Variants in PSD3 observed in about 807,000 individuals in gnomAD.
PSD3 encodes the protein pleckstrin and Sec7 domain containing 3, also known as PH and SEC7 domain-containing protein 3.
Under a neutral mutation model 105.5 loss-of-function variants are expected in PSD3, and 49 were observed. The observed-to-expected ratio is 0.46, with a 90% CI of 0.37 to 0.59. The LOEUF is 0.59. PSD3 is among the 20% of genes least tolerant of loss of function. PSD3 has a pLI of 0.00. For synonymous variants in PSD3, 557 were observed against 457.8 expected (o/e 1.22, Z -2.77); for missense variants, 1,561 against 1,263.8 (o/e 1.24, Z -3.57).
chr8:18,964,709 A>C (rs766726637), intron 1 of PSD3, among the ~76,000 whole-genome samples: 82 of 152,156 alleles, frequency 5.4e-4, no homozygotes, highest in Non-Finnish European at 8.2e-4. Flanking sequence ...GAGGCACAAA[A>C]GATCCTGCGT....
In PSD3 at chr8:18,529,362, G is replaced by C. The variant is rs760158293; in HGVS notation, c.*6381C>G. The C allele has an allele frequency of 1.3e-5, 2 of 152,110 alleles. 1 individual carries two copies. The highest frequency in any genetic ancestry group is 4.1e-4 in the South Asian group (2 of 4,826). 9.4% of individuals were successfully genotyped at this position (152,110 alleles called of 1,614,324 possible). A position where few individuals can be genotyped will look rare whatever the true frequency, so the allele number is the denominator to read the frequency against. ...TTCATCACCTCTTTAGAATATTCTG[G>C]CTCTTTGCATCTTAAGGTCTTATGT... On this transcript the variant is annotated 3_prime_UTR_variant, in exon 16 of 16. Transcript: ENST00000327040.
intron 1 of PSD3, among the ~76,000 whole-genome samples, chr8:18,966,014 A>T (rs551848617): frequency 1.3e-5 from 2 of 152,300 alleles, no homozygotes; most frequent in South Asian, 2.1e-4. Context: ...GGCAACAAAT[A>T]TTTTAATCTC....
chr8:18,991,234 T>C (rs2129473521), intron 1 of PSD3, among the ~76,000 whole-genome samples: 1 of 152,214 alleles, frequency 6.6e-6, no homozygotes, highest in African/African-American at 2.4e-5. Context: ...TGAATTTCAG[T>C]GGTAAAAATA....
chr8:18,990,594 G>T (rs917220110), intron 1 of PSD3, among the ~76,000 whole-genome samples: 1 of 152,092 alleles, frequency 6.6e-6, no homozygotes, highest in African/African-American at 2.4e-5. Context: ...ACTCCATGTG[G>T]TTTGGCTTAA....
chr8:18,729,980 A>T (rs1803616776), intron 9 of PSD3, among the ~76,000 whole-genome samples: 1 of 152,222 alleles, frequency 6.6e-6, no homozygotes, highest in South Asian at 2.1e-4. Context: ...CATTCCATAA[A>T]GACTGGAAAA....
At chr8:19,069,725 G>A (rs1196736267) in intron 1 of PSD3, among the ~76,000 whole-genome samples, 2 of 152,284 alleles carry the variant, frequency 1.3e-5, no homozygotes, top group East Asian at 3.9e-4. Flanking sequence ...GCTCAGAGAA[G>A]TTAAGGAATT....
chr8:18,728,408 A>T (rs140344069), intron 9 of PSD3, among the ~76,000 whole-genome samples: 1 of 152,330 alleles, frequency 6.6e-6, no homozygotes, highest in Non-Finnish European at 1.5e-5. Flanking sequence ...TTAGACTTTG[A>T]TGACAGGGAA....
chr8:18,938,299 A>C (rs1355875546), intron 1 of PSD3, among the ~76,000 whole-genome samples: 1 of 151,650 alleles, frequency 6.6e-6, no homozygotes, highest in Non-Finnish European at 1.5e-5. Flanking sequence ...GAAGAATTAC[A>C]CAGTTTTCTG....
intron 9 of PSD3, among the ~76,000 whole-genome samples, chr8:18,748,803 A>G (rs570779277): frequency 1.4e-4 from 22 of 152,262 alleles, no homozygotes; most frequent in African/African-American, 5.3e-4. Context: ...GACTGTGCTG[A>G]AGTTATCATC....
intron 9 of PSD3, among the ~76,000 whole-genome samples, chr8:18,667,309 C>A (rs926475178): frequency 6.6e-6 from 1 of 152,046 alleles, no homozygotes; most frequent in African/African-American, 2.4e-5. Context: ...CTCCACCTAC[C>A]CACTAGATTA....
intron 2 of PSD3, among the ~76,000 whole-genome samples, chr8:18,908,121 A>G (rs1358822027): frequency 6.6e-6 from 1 of 152,206 alleles, no homozygotes; most frequent in Non-Finnish European, 1.5e-5. Context: ...TAAGATAACC[A>G]GATGTAGTTT....
chr8:18,912,406 T>G (rs1203171056), intron 2 of PSD3, among the ~76,000 whole-genome samples: 1 of 152,194 alleles, frequency 6.6e-6, no homozygotes, highest in Non-Finnish European at 1.5e-5. Context: ...GTTGTCTAAC[T>G]ATTAACAGAA....
intron 8 of PSD3, among the ~76,000 whole-genome samples, chr8:18,793,729 T>C (rs74515745): frequency 0.035 from 5,303 of 152,194 alleles, 208 homozygotes; most frequent in East Asian, 0.14. Context: ...GCATCACAGA[T>C]ACAGAGAAGC....
intron 2 of PSD3, among the ~76,000 whole-genome samples, chr8:18,917,801 A>G (rs1318497385): frequency 2.0e-5 from 3 of 152,184 alleles, no homozygotes; most frequent in Non-Finnish European, 4.4e-5. Flanking sequence ...ACTAGCCCAA[A>G]GTAGCCAGGA....
intron 4 of PSD3, among the ~76,000 whole-genome samples, chr8:18,839,676 C>A (rs1220020444): frequency 6.6e-6 from 1 of 152,148 alleles, no homozygotes; most frequent in African/African-American, 2.4e-5. Context: ...ATAGAACACA[C>A]CACTCACCAC....
intron 2 of PSD3, among the ~76,000 whole-genome samples, chr8:18,905,889 T>A (rs1206227780): frequency 6.6e-6 from 1 of 152,134 alleles, no homozygotes; most frequent in African/African-American, 2.4e-5. Flanking sequence ...TTACAGTAAA[T>A]ATATCATTTT....
intron 12 of PSD3, among the ~76,000 whole-genome samples, chr8:18,579,131 CACAA>C (rs1802647746): frequency 1.4e-5 from 2 of 144,664 alleles, no homozygotes; most frequent in Non-Finnish European, 3.1e-5. Flanking sequence ...CACACACACA[CACAA>C]AGGGCAAAAC....
chr8:18,542,453 A>C (rs1800206208), intron 15 of PSD3, among the ~76,000 whole-genome samples: 1 of 152,216 alleles, frequency 6.6e-6, no homozygotes, highest in Non-Finnish European at 1.5e-5. Flanking sequence ...GGTACTAAAC[A>C]AATAATAACA....
At chr8:18,871,604 C>T (rs767614787) in intron 3 of PSD3, 22 bp downstream of exon 3, 1 of 1,566,500 alleles carries the variant, frequency 6.4e-7, no homozygotes, top group East Asian at 2.2e-5. Flanking sequence ...TCTGAGACAG[C>T]AGGGCTACTA....
Sources: allele counts gnomAD v4.1 joint callset (sites outside exome capture counted in the v4.1 genomes callset), GRCh38; gene constraint gnomAD v4.1.1; transcripts MANE v1.5; gene names NCBI Gene and HGNC (gene_info 2026-07-23, HGNC 2026-07-21).